The following RBFOX1 variants were observed in gnomAD, a reference collection of about 807,000 sequenced individuals.
The protein encoded by RBFOX1 is RNA binding protein fox-1 homolog 1.
A neutral mutation model predicts 57.7 loss-of-function variants in RBFOX1; 8 were observed. The ratio of observed to expected loss-of-function variants is 0.14; its 90% CI spans 0.08 to 0.25. RBFOX1 has a LOEUF of 0.25. RBFOX1 is among the 10% of genes least tolerant of loss of function. The pLI is 1.00. For synonymous variants in RBFOX1, 326 were observed against 222.4 expected, an observed-to-expected ratio of 1.47 and a Z score of -4.15; for missense variants, 611 against 548.5, an observed-to-expected ratio of 1.11 and a Z score of -1.14.
chr16:7,103,954 G>T (rs1170760832), intron 4 of RBFOX1, among the ~76,000 whole-genome samples: 5 of 152,128 alleles, frequency 3.3e-5, no homozygotes, highest in Admixed American at 1.3e-4. Context: ...AATCTTCCAA[G>T]TATCCGTTGG....
At chr16:6,319,958 C>A (rs950067556) in intron 2 of RBFOX1, among the ~76,000 whole-genome samples, 1 of 152,116 alleles carries the variant, frequency 6.6e-6, no homozygotes, top group Non-Finnish European at 1.5e-5. Context: ...CTAGTGCTAT[C>A]CAATACACCA....
chr16:7,186,860 A>AAAATATAGC (rs2083959548), intron 4 of RBFOX1, among the ~76,000 whole-genome samples: 6 of 151,620 alleles, frequency 4.0e-5, no homozygotes, highest in Admixed American at 3.9e-4. Flanking sequence ...ACTTATTTTT[A>AAAATATAGC]AAATATAGCT....
intron 1 of RBFOX1, among the ~76,000 whole-genome samples, chr16:5,325,037 T>C (rs1351451404): frequency 6.6e-6 from 1 of 152,170 alleles, no homozygotes; most frequent in African/African-American, 2.4e-5. Flanking sequence ...AGTCTACCTA[T>C]GTGACAAACC....
chr16:6,415,062 A>T (rs1317874256), intron 2 of RBFOX1, among the ~76,000 whole-genome samples: 1 of 151,676 alleles, frequency 6.6e-6, no homozygotes, highest in African/African-American at 2.4e-5. Context: ...GGCCAACATG[A>T]TGAAACCCCG....
intron 4 of RBFOX1, among the ~76,000 whole-genome samples, chr16:7,103,432 C>T (rs930690748): frequency 6.6e-6 from 1 of 152,108 alleles, no homozygotes; most frequent in East Asian, 1.9e-4. Flanking sequence ...AGCTAGGAAG[C>T]AGAAGGCCAC....
intron 3 of RBFOX1, among the ~76,000 whole-genome samples, chr16:6,959,863 G>A (rs2082602218): frequency 2.0e-5 from 3 of 152,138 alleles, no homozygotes; most frequent in African/African-American, 7.2e-5. Context: ...CTTGAACCTA[G>A]GAGGCGGACA....
chr16:7,512,244 A>AG (rs2152069813), intron 4 of RBFOX1, among the ~76,000 whole-genome samples: 1 of 152,286 alleles, frequency 6.6e-6, no homozygotes, highest in Non-Finnish European at 1.5e-5. Flanking sequence ...CCAACCCAGG[A>AG]GCCTGTTCGC....
At chr16:5,613,895 C>G (rs2047919422) in intron 3 of RBFOX1, among the ~76,000 whole-genome samples, 1 of 151,570 alleles carries the variant, frequency 6.6e-6, no homozygotes, top group African/African-American at 2.4e-5. Context: ...CCTTCATCTC[C>G]CATTTTCCTC....
At chr16:7,058,496 C>T (rs368279783) in intron 4 of RBFOX1, among the ~76,000 whole-genome samples, 1 of 152,142 alleles carries the variant, frequency 6.6e-6, no homozygotes, top group East Asian at 1.9e-4. Context: ...TAGCCTTGTA[C>T]ATGTTACTTC....
intron 4 of RBFOX1, among the ~76,000 whole-genome samples, chr16:7,292,990 A>G (rs1384907093): frequency 6.6e-6 from 1 of 152,122 alleles, no homozygotes; most frequent in African/African-American, 2.4e-5. Context: ...CAAAAAGAAA[A>G]GAGGGAAGAG....
intron 1 of RBFOX1, among the ~76,000 whole-genome samples, chr16:6,278,923 T>C (rs1376127206): frequency 2.0e-5 from 3 of 152,130 alleles, no homozygotes; most frequent in Non-Finnish European, 2.9e-5. Flanking sequence ...ACCAAGAAGG[T>C]TGAGATATGT....
intron 4 of RBFOX1, among the ~76,000 whole-genome samples, chr16:5,933,929 G>C (rs2059119187): frequency 6.6e-6 from 1 of 151,832 alleles, no homozygotes; most frequent in South Asian, 2.1e-4. Context: ...TATTTTTTCT[G>C]TTCCTCTCCC....
chr16:7,212,260 C>T (rs1017094281), intron 4 of RBFOX1, among the ~76,000 whole-genome samples: 2 of 152,114 alleles, frequency 1.3e-5, no homozygotes, highest in Non-Finnish European at 1.5e-5. Context: ...TAAATTTTGC[C>T]ATCACAGCAG....
At chr16:6,451,642 C>G (rs2094626267) in intron 2 of RBFOX1, among the ~76,000 whole-genome samples, 1 of 152,218 alleles carries the variant, frequency 6.6e-6, no homozygotes, top group Non-Finnish European at 1.5e-5. Context: ...CGAGACTCAG[C>G]TCTGGGCTAT....
At chr16:7,506,029 C>T (rs1025811938) in intron 4 of RBFOX1, among the ~76,000 whole-genome samples, 1 of 151,484 alleles carries the variant, frequency 6.6e-6, no homozygotes, top group Admixed American at 6.6e-5. Flanking sequence ...GCTAAAAATA[C>T]AAAAAGATAG....
chr16:7,538,758 T>C (rs12919040), intron 5 of RBFOX1, among the ~76,000 whole-genome samples: 77,959 of 151,988 alleles, frequency 0.51, 24,247 homozygotes, highest in Non-Finnish European at 0.71. Context: ...GCTTGGTACA[T>C]ATACCACTTG....
chr16:5,322,612 G>A (rs980860187), intron 1 of RBFOX1, among the ~76,000 whole-genome samples: 1 of 152,126 alleles, frequency 6.6e-6, no homozygotes, highest in African/African-American at 2.4e-5. Context: ...TGTTCTCTTA[G>A]AGCAAGGGGA....
At chr16:7,558,445 T>A (rs1439197440) in intron 5 of RBFOX1, among the ~76,000 whole-genome samples, 1 of 152,100 alleles carries the variant, frequency 6.6e-6, no homozygotes, top group African/African-American at 2.4e-5. Flanking sequence ...TATGTATATA[T>A]CAATATGAAT....
At chr16:6,251,637 C>T (rs2097613292) in intron 1 of RBFOX1, among the ~76,000 whole-genome samples, 1 of 152,012 alleles carries the variant, frequency 6.6e-6, no homozygotes, top group Non-Finnish European at 1.5e-5. Context: ...ATAGCAATGC[C>T]AGCTAAAACT....
Sources: gnomAD v4.1 joint callset for allele counts (sites outside exome capture counted in the v4.1 genomes callset) on GRCh38, gnomAD v4.1.1 for gene constraint, MANE v1.5 for transcripts, NCBI Gene and HGNC (gene_info 2026-07-23, HGNC 2026-07-21) for gene names.